The following ADGRD1 variants were observed in gnomAD, a reference collection of about 807,000 sequenced individuals.
The protein encoded by ADGRD1 is G-protein coupled receptor 133.
In ADGRD1, 77 loss-of-function variants were observed where a neutral mutation model predicts 113.4. The ratio of observed to expected loss-of-function variants is 0.68; its 90% CI spans 0.57 to 0.82. The LOEUF is 0.82. Among genes scored for constraint, ADGRD1 ranks in the 40% least tolerant of loss-of-function variants. The pLI is 0.00. For missense variants in ADGRD1, 1,036 were observed against 1,139.1 expected, an observed-to-expected ratio of 0.91 and a Z score of 1.30; for synonymous variants, 474 against 475.0, an observed-to-expected ratio of 1.00 and a Z score of 0.03.
chr12:131,064,179 G>A (rs1310856835), intron 13 of ADGRD1, among the ~76,000 whole-genome samples: 1 of 152,112 alleles, frequency 6.6e-6, no homozygotes, highest in African/African-American at 2.4e-5. Context: ...CTTCCTTTCT[G>A]TGCTGGCTGG....
At chr12:130,980,897 A>G (rs1872900258) in intron 4 of ADGRD1, 1 of 152,250 alleles carries the variant, frequency 6.6e-6, no homozygotes, top group Non-Finnish European at 1.5e-5. Context: ...CGGAGGCAAC[A>G]TGAACTAATG....
rs935970664 is a variant in ADGRD1, at chr12:131,041,651, T to G, written c.1473+27311T>G. On this transcript the variant is annotated intron_variant, in intron 13 of 24. Coordinates refer to ENST00000261654, the MANE Select transcript of ADGRD1 (RefSeq NM_198827.5). The surrounding 1 kb of genome is among the most constrained non-coding windows in gnomAD (Gnocchi z 4.4). The stretch of plus-strand genomic sequence containing the variant: ...TGAGGCTCTGCAGAGACCCAGGGGC[T>G]TGGCCATCCACTCAGGGACACCAGG... Among the ~76,000 whole-genome samples the G allele has an allele frequency of 2.0e-5, 3 of 152,182 alleles. No individual in the cohort carries two copies. The highest frequency in any genetic ancestry group is 7.2e-5 in the African/African-American group (3 of 41,442).
chr12:130,969,047 C>A, intron 3 of ADGRD1: 1 of 1,527,208 alleles, frequency 6.5e-7, no homozygotes, highest in Non-Finnish European at 8.8e-7. Context: ...ATGATTCTGC[C>A]TACTCAAATC....
rs1871589689 is a variant in ADGRD1 at position 130,971,189 on chromosome 12, A to G, written c.188-269A>G. 1 of 179,962 alleles carries G rather than the reference A, an allele frequency of 5.6e-6. No homozygotes were observed. The highest frequency in any genetic ancestry group is 1.6e-4 in the East Asian group (1 of 6,418). The allele number at this position is 179,962 out of a possible 1,614,324, so 11.1% of individuals were successfully genotyped here. Reference sequence around the variant, plus strand: ...CAAAGGTCTGTATGCATTTGTATATAATACATGCATATTATATACAAATAC... The same window carrying G: ...CAAAGGTCTGTATGCATTTGTATATGATACATGCATATTATATACAAATAC... On this transcript the variant is annotated intron_variant, in intron 3 of 24. Coordinates refer to ENST00000261654, the MANE Select transcript of ADGRD1 (RefSeq NM_198827.5). This position sits in a 1 kb window ranked among gnomAD's most constrained non-coding sequence, Gnocchi z 4.2.
intron 8 of ADGRD1, chr12:130,994,163 C>A (rs1439911929): frequency 7.9e-6 from 3 of 381,168 alleles, no homozygotes; most frequent in Non-Finnish European, 1.7e-5. Flanking sequence ...AGGGAAGGAC[C>A]CGCGGGGTGT....
chr12:131,094,611 G>T (rs1887152967), intron 15 of ADGRD1, among the ~76,000 whole-genome samples: 1 of 152,102 alleles, frequency 6.6e-6, no homozygotes, highest in South Asian at 2.1e-4. Context: ...CAATACTGTG[G>T]TTCACCAGTG....
At chr12:131,051,008 G>A (rs1883324984) in intron 13 of ADGRD1, among the ~76,000 whole-genome samples, 1 of 152,150 alleles carries the variant, frequency 6.6e-6, no homozygotes, top group Admixed American at 6.5e-5. Flanking sequence ...CGGGTGTTGG[G>A]AACCCCTGTG....
At chr12:130,960,864 C>T (rs1004180779) in intron 2 of ADGRD1, among the ~76,000 whole-genome samples, 16 of 151,934 alleles carry the variant, frequency 1.1e-4, no homozygotes, top group African/African-American at 1.9e-4. Context: ...GTGGTGGCGA[C>T]GAAGGGGTGG....
chr12:130,954,721 AG>A lies in ADGRD1; in HGVS notation c.103+63del. 5.4e-6 allele frequency: 8 copies of A among 1,472,206 alleles called. No homozygotes were observed. The highest frequency in any genetic ancestry group is 7.6e-6 in the Non-Finnish European group (8 of 1,052,158). 91.2% of individuals were successfully genotyped at this position (1,472,206 alleles called of 1,614,324 possible). ...TCCCCCTGCCTAGTGCAGGTATCTCAGGAACAGCCCACTTGTTCATCTCTGA... is the reference window on the plus strand; with the variant it reads ...TCCCCCTGCCTAGTGCAGGTATCTCAGAACAGCCCACTTGTTCATCTCTGA... On this transcript the variant is annotated intron_variant, in intron 2 of 24. Transcript: ENST00000261654. The surrounding 1 kb of genome is among the most constrained non-coding windows in gnomAD (Gnocchi z 4.7).
Position 131,003,453 on chromosome 12 carries a change from C to G in ADGRD1, c.1144+151C>G, listed in dbSNP as rs996865415. The stretch of plus-strand genomic sequence containing the variant: ...ACAAACCACATTTGGAAGGAAAACC[C>G]GTGGTCAGATGAGGGCAGGTGTGTT... On this transcript the variant is annotated intron_variant, in intron 10 of 24. Transcript: ENST00000261654. The surrounding 1 kb of genome is among the most constrained non-coding windows in gnomAD (Gnocchi z 4.8). The G allele has an allele frequency of 4.5e-6, 3 of 662,136 alleles. No homozygotes were observed. Among genetic ancestry groups the G allele is most frequent in the East Asian group, 5.2e-5 (2 of 38,148 alleles). 41.0% of individuals were successfully genotyped at this position (662,136 alleles called of 1,614,324 possible). A position where few individuals can be genotyped will look rare whatever the true frequency, so the allele number is the denominator to read the frequency against.
intron 3 of ADGRD1, chr12:130,969,183 G>T: frequency 1.5e-6 from 1 of 668,728 alleles, no homozygotes; most frequent in South Asian, 1.8e-5. Context: ...TGGCTAGCAA[G>T]TGAGCAAATG....
At chr12:131,028,511 G>A (rs1038259520) in intron 13 of ADGRD1, among the ~76,000 whole-genome samples, 1 of 152,162 alleles carries the variant, frequency 6.6e-6, no homozygotes, top group Admixed American at 6.5e-5. Flanking sequence ...GAGGAATCCT[G>A]CCTAACCCGA....
chr12:130,979,884 G>A (rs980306476), intron 4 of ADGRD1, among the ~76,000 whole-genome samples: 1 of 149,742 alleles, frequency 6.7e-6, no homozygotes, highest in African/African-American at 2.5e-5. Flanking sequence ...CACAAAGAAG[G>A]GCCAGGTGGG....
intron 23 of ADGRD1, 137 bp downstream of exon 23, chr12:131,137,151 C>T (rs916401849): frequency 4.3e-5 from 32 of 746,010 alleles, no homozygotes; most frequent in Non-Finnish European, 7.2e-5. Flanking sequence ...GTTCCTGATG[C>T]CAAGTTGTGT....
At chr12:131,103,199 A>G (rs998995953) in intron 15 of ADGRD1, among the ~76,000 whole-genome samples, 2 of 152,236 alleles carry the variant, frequency 1.3e-5, no homozygotes, top group Middle Eastern at 6.3e-3. Context: ...CCCAGCCCTC[A>G]GCCTCTCTGC....
chr12:131,074,424 T>C (rs1463800132), intron 13 of ADGRD1, among the ~76,000 whole-genome samples: 1 of 152,212 alleles, frequency 6.6e-6, no homozygotes, highest in Non-Finnish European at 1.5e-5. Flanking sequence ...CCCCCAACAC[T>C]GTTGAAGACT....
rs1371507017 is a variant in ADGRD1 at position 130,984,686 on chromosome 12, A to T, written c.491-2409A>T. 6.6e-6 allele frequency among the ~76,000 whole-genome samples: 1 copy of T among 151,922 alleles called. No homozygotes were observed. Among genetic ancestry groups the T allele is most frequent in the Non-Finnish European group, 1.5e-5 (1 of 67,976 alleles). On this transcript the variant is annotated intron_variant, in intron 5 of 24. Coordinates refer to ENST00000261654, the MANE Select transcript of ADGRD1 (RefSeq NM_198827.5). The surrounding 1 kb of genome is among the most constrained non-coding windows in gnomAD (Gnocchi z 4.1). ...CATTAGCATTTGCTCTCGGTGTTGT[A>T]CATTCTATGGGTTGGTGAGGTTGAT...
chr12:131,031,719 G>A (rs1406774100), intron 13 of ADGRD1, among the ~76,000 whole-genome samples: 1 of 152,086 alleles, frequency 6.6e-6, no homozygotes, highest in African/African-American at 2.4e-5. Flanking sequence ...TTTGATTCTT[G>A]TGCCCCCAGG....
chr12:131,079,129 C>G (rs1885872761), intron 14 of ADGRD1, among the ~76,000 whole-genome samples: 1 of 152,146 alleles, frequency 6.6e-6, no homozygotes, highest in South Asian at 2.1e-4. Flanking sequence ...AGTCTAGCCT[C>G]TTTAATTTTG....
Sources: allele counts gnomAD v4.1 joint callset (sites outside exome capture counted in the v4.1 genomes callset), GRCh38; gene constraint gnomAD v4.1.1; non-coding constraint Gnocchi (gnomAD v3.1); transcripts MANE v1.5; gene names NCBI Gene and HGNC (gene_info 2026-07-23, HGNC 2026-07-21).